The following DMXL1 variants were observed in gnomAD, a reference collection of about 807,000 sequenced individuals.
DMXL1 encodes the protein Dmx like 1, also known as dmX-like protein 1.
DMXL1 carries 99 observed loss-of-function variants against 319.2 expected under a neutral mutation model. That is an observed-to-expected ratio of 0.31 (90% CI 0.26 to 0.37). The LOEUF (loss-of-function observed/expected upper bound fraction) is 0.37. Ranked by LOEUF, DMXL1 falls within the 10% of genes least tolerant of loss-of-function variation. The pLI is 1.00. For synonymous variants in DMXL1, 1,385 were observed against 1,235.2 expected (o/e 1.12, Z -2.54); for missense variants, 3,745 against 3,595.6 (o/e 1.04, Z -1.06).
Position 119,206,907 on chromosome 5 carries a change from T to C in DMXL1, c.7926+11T>C, listed in dbSNP as rs1404090583. ...CCAAACATCAATAAGGTACAAAATA[T>C]CATTCAACTGAAATTAAAAATTGCA... is the stretch of plus-strand genomic sequence containing the variant. On this transcript the variant is annotated intron_variant, in intron 34 of 43. Transcript: ENST00000539542. 1.3e-6 allele frequency: 2 copies of C among 1,485,084 alleles called. No homozygotes were observed. The highest frequency in any genetic ancestry group is 2.1e-5 in the Admixed American group (1 of 48,766). The allele number at this position is 1,485,084 out of a possible 1,614,324, so 92.0% of individuals were successfully genotyped here. A position where few individuals can be genotyped will look rare whatever the true frequency, so the allele number is the denominator to read the frequency against.
intron 19 of DMXL1, among the ~76,000 whole-genome samples, chr5:119,158,690 G>A (rs1042746855): frequency 2.5e-4 from 38 of 152,178 alleles, no homozygotes; most frequent in African/African-American, 9.2e-4. Flanking sequence ...TTTTTGTCAT[G>A]AAAGGATGTC....
chr5:119,078,147 T>C (rs1751407994), intron 1 of DMXL1, among the ~76,000 whole-genome samples: 1 of 152,190 alleles, frequency 6.6e-6, no homozygotes, highest in Non-Finnish European at 1.5e-5. Context: ...CATTTATTTA[T>C]TTAAAACAAG....
Position 119,149,657 on chromosome 5 carries a change from C to T in DMXL1, c.3830C>T (p.Pro1277Leu). 3 of 1,613,924 alleles carry T rather than the reference C, an allele frequency of 1.9e-6. No homozygotes were observed. Among genetic ancestry groups the T allele is most frequent in the South Asian group, 1.1e-5 (1 of 91,074 alleles). The change falls in exon 18 of 44, where the codon CCT becomes CTT. Residue 1277 changes from proline (P) to leucine (L), a missense_variant. Around this residue, in one of 4 missense-constraint regions of DMXL1, gnomAD observed 2,096 missense variants for 1,985.4 expected, o/e 1.06. Coordinates refer to ENST00000539542, the MANE Select transcript of DMXL1 (RefSeq NM_001290321.3). The stretch of plus-strand genomic sequence containing the variant: ...AGTAACTCCAGTTCTGGGTTACATC[C>T]TCCAAAGAAAACTCTGACTCGATCC... ...KQSNSSSGLH[P>L]PKKTLTRSMT...
chr5:119,101,290 T>C (rs1460153073), intron 2 of DMXL1, among the ~76,000 whole-genome samples: 1 of 152,160 alleles, frequency 6.6e-6, no homozygotes, highest in African/African-American at 2.4e-5. Context: ...TTACCTTCTC[T>C]TTACTACATC....
chr5:119,137,445 G>A (rs1246548065), intron 13 of DMXL1, among the ~76,000 whole-genome samples: 3 of 152,162 alleles, frequency 2.0e-5, no homozygotes, highest in African/African-American at 7.2e-5. Context: ...CTATTGGGAA[G>A]GCATGATTGG....
intron 3 of DMXL1, chr5:119,104,384 G>C (rs574532995): frequency 6.6e-6 from 1 of 152,218 alleles, no homozygotes; most frequent in African/African-American, 2.4e-5. Flanking sequence ...ACAGGTTTCT[G>C]TGCCCCATCC....
At chr5:119,085,437 C>G (rs1753151390) in intron 1 of DMXL1, among the ~76,000 whole-genome samples, 1 of 151,812 alleles carries the variant, frequency 6.6e-6, no homozygotes, top group African/African-American at 2.4e-5. Context: ...TTTCTGATTT[C>G]TTTGTAAGAT....
chr5:119,073,699 G>A (rs950901062), intron 1 of DMXL1, among the ~76,000 whole-genome samples: 2 of 152,074 alleles, frequency 1.3e-5, no homozygotes, highest in African/African-American at 2.4e-5. Flanking sequence ...AAATTTTTAA[G>A]TATAAAGAGA....
rs747393980 is a variant in DMXL1, at chr5:119,118,876, G to C, written c.805G>C (p.Glu269Gln). Residue 269 changes from glutamate (E) to glutamine (Q), a missense_variant, in exon 8 of 44, where the codon GAG becomes CAG. Physicochemically the swap from Glu to Gln is conservative, Grantham distance 29 (BLOSUM62 2). This residue lies in a region of DMXL1 where 2,096 missense variants were observed against 1,985.4 expected (regional missense o/e 1.06). Transcript: ENST00000539542. ...AGATAATGTGTGTCGTCTTTGGGTAGAGACATTTTTACCAAATGATTGTTT... is the reference window on the plus strand; with the variant it reads ...AGATAATGTGTGTCGTCTTTGGGTACAGACATTTTTACCAAATGATTGTTT... ...CKDNVCRLWV[E>Q]TFLPNDCLLY... is the part of the protein sequence containing the mutation. 6.2e-7 allele frequency: 1 copy of C among 1,613,962 alleles called. No homozygotes were observed. Among genetic ancestry groups the C allele is most frequent in the Non-Finnish European group, 8.5e-7 (1 of 1,179,912 alleles).
intron 27 of DMXL1, 79 bp downstream of exon 27, chr5:119,177,563 C>T: frequency 8.0e-7 from 1 of 1,245,704 alleles, no homozygotes; most frequent in Admixed American, 2.5e-5. Flanking sequence ...TTTAGTTTTG[C>T]CACATGATAA....
intron 19 of DMXL1, among the ~76,000 whole-genome samples, chr5:119,163,406 A>AT (rs1436852888): frequency 6.6e-6 from 1 of 152,148 alleles, no homozygotes; most frequent in Non-Finnish European, 1.5e-5. Context: ...TAGAGCTGGA[A>AT]TTTATTTTTT....
At position 119,158,239 on chromosome 5, in the gene DMXL1, A is replaced by T. The variant is rs533975222; in HGVS notation, c.4702+6203A>T. ...TTTTTTTTTTAAGTAGCAATGATTA[A>T]TGAGATTGTTTTGTTTATTTTTAAA... On this transcript the variant is annotated intron_variant, in intron 19 of 43. Coordinates refer to ENST00000539542, the MANE Select transcript of DMXL1 (RefSeq NM_001290321.3). Among the ~76,000 whole-genome samples, 147 of 150,678 alleles carry T rather than the reference A, an allele frequency of 9.8e-4. 1 individual carries two copies. Among genetic ancestry groups the T allele is most frequent in the Non-Finnish European group, 1.4e-3 (96 of 67,714 alleles).
At chr5:119,125,595 C>T (rs1763350428) in intron 9 of DMXL1, among the ~76,000 whole-genome samples, 5 of 152,088 alleles carry the variant, frequency 3.3e-5, no homozygotes, top group Admixed American at 2.6e-4. Context: ...GATGAAGTCT[C>T]ACTCTGTTGC....
intron 34 of DMXL1, among the ~76,000 whole-genome samples, chr5:119,209,242 A>G (rs1782301930): frequency 6.6e-6 from 1 of 152,190 alleles, no homozygotes. Flanking sequence ...AGACTGGATC[A>G]TGTGTAGGTA....
intron 13 of DMXL1, among the ~76,000 whole-genome samples, chr5:119,141,952 A>G (rs950148786): frequency 6.6e-6 from 1 of 152,218 alleles, no homozygotes; most frequent in African/African-American, 2.4e-5. Flanking sequence ...GAATCCAGAT[A>G]TAAGACCACA....
intron 14 of DMXL1, among the ~76,000 whole-genome samples, chr5:119,144,282 G>A (rs1768045977): frequency 6.6e-6 from 1 of 151,672 alleles, no homozygotes; most frequent in Non-Finnish European, 1.5e-5. Flanking sequence ...CCAATTTGTG[G>A]CTAAATAAAA....
chr5:119,219,857 T>A lies in DMXL1; in HGVS notation c.8014-615T>A, dbSNP rs534004154. On this transcript the variant is annotated intron_variant, in intron 35 of 43. Coordinates refer to ENST00000539542, the MANE Select transcript of DMXL1 (RefSeq NM_001290321.3). ...TGCTAGGATTATAGACGTGAGCCAC[T>A]GCCCCCAGCCAAGATGTACATTTTT... Among the ~76,000 whole-genome samples, 9 of 152,234 alleles carry A rather than the reference T, an allele frequency of 5.9e-5. No homozygotes were observed. The East Asian group carries it at 1.7e-3, about 29-fold the overall frequency.
At chr5:119,160,782 C>T (rs764988381) in intron 19 of DMXL1, among the ~76,000 whole-genome samples, 7 of 152,096 alleles carry the variant, frequency 4.6e-5, no homozygotes, top group Non-Finnish European at 5.9e-5. Flanking sequence ...TTCTTTGTCT[C>T]CTTTCACAGT....
Position 119,216,941 on chromosome 5 carries a change from T to C in DMXL1, c.7967T>C (p.Ile2656Thr). ...GGATATCCTGGAGGTAAAGCAAGAA[T>C]TATTCATAAGGAATCTGATATCATT... ...DLGYPGGKAR[I>T]IHKESDIITA... The change falls in exon 35 of 44, where the codon ATT becomes ACT. Residue 2656 changes from isoleucine (I) to threonine (T), a missense_variant. Around this residue, in one of 4 missense-constraint regions of DMXL1, gnomAD observed 1,382 missense variants for 1,269.5 expected, o/e 1.09. Transcript: ENST00000539542. The C allele has an allele frequency of 6.2e-7, 1 of 1,602,470 alleles. No individual in the cohort carries two copies. Among genetic ancestry groups the C allele is most frequent in the East Asian group, 2.3e-5 (1 of 44,264 alleles).
Sources: allele counts gnomAD v4.1 joint callset (sites outside exome capture counted in the v4.1 genomes callset), GRCh38; gene constraint gnomAD v4.1.1; regional missense constraint gnomAD v4.1.1; transcripts MANE v1.5; gene names NCBI Gene and HGNC (gene_info 2026-07-23, HGNC 2026-07-21).